Variants in SPATA17 observed in about 807,000 individuals in gnomAD.
SPATA17 encodes spermatogenesis associated 17.
A neutral mutation model predicts 62.2 loss-of-function variants in SPATA17; 53 were observed. That is an observed-to-expected ratio of 0.85 (90% CI 0.68 to 1.07). The LOEUF (loss-of-function observed/expected upper bound fraction) is 1.07, where lower values mean the gene tolerates loss of function less well. Among genes scored for constraint, SPATA17 ranks in the 50% least tolerant of loss-of-function variants. SPATA17 has a pLI of 0.00. For missense variants in SPATA17, 466 were observed against 425.5 expected, an observed-to-expected ratio of 1.10 and a Z score of -0.84; for synonymous variants, 146 against 146.8, an observed-to-expected ratio of 0.99 and a Z score of 0.04.
At chr1:217,728,058 T>C (rs1206696793) in intron 5 of SPATA17, among the ~76,000 whole-genome samples, 1 of 152,230 alleles carries the variant, frequency 6.6e-6, no homozygotes, top group Non-Finnish European at 1.5e-5. Context: ...GGCTATCTAA[T>C]ACTGTCTTGC....
rs143828144 is a variant in SPATA17 at position 217,760,374 on chromosome 1, A to G, written c.520-13960A>G. On this transcript the variant is annotated intron_variant, in intron 6 of 10. Transcript: ENST00000366933. ...CATACAGAAAAGTGAAAAAAATTCT[A>G]ATCACTTAGCTCAATTAATAATCAC... 7.7e-3 allele frequency among the ~76,000 whole-genome samples: 1,172 copies of G among 152,338 alleles called. 12 individuals carry two copies. Among genetic ancestry groups the G allele is most frequent in the Non-Finnish European group, 7.7e-3 (525 of 68,026 alleles).
intron 5 of SPATA17, among the ~76,000 whole-genome samples, chr1:217,710,022 C>T (rs1671821200): frequency 2.6e-5 from 4 of 152,116 alleles, no homozygotes. Flanking sequence ...TATTTTACAT[C>T]AGAATATGTT....
chr1:217,685,773 T>G (rs1671202618), intron 5 of SPATA17, among the ~76,000 whole-genome samples: 1 of 152,174 alleles, frequency 6.6e-6, no homozygotes, highest in South Asian at 2.1e-4. Context: ...GTATATGTGA[T>G]TGGTTATACA....
chr1:217,652,818 A>G (rs996503941), intron 3 of SPATA17, among the ~76,000 whole-genome samples: 6 of 152,192 alleles, frequency 3.9e-5, no homozygotes, highest in Non-Finnish European at 7.3e-5. Context: ...TGATGACGGA[A>G]GTTTGATGAC....
chr1:217,659,187 AACACACACAC>A (rs10546517), intron 3 of SPATA17, among the ~76,000 whole-genome samples: 2 of 144,630 alleles, frequency 1.4e-5, no homozygotes, highest in East Asian at 2.0e-4. Flanking sequence ...TGCCCATCAA[AACACACACAC>A]ACACACACAC....
intron 9 of SPATA17, among the ~76,000 whole-genome samples, chr1:217,844,240 T>G (rs1675475274): frequency 6.6e-6 from 1 of 152,010 alleles, no homozygotes; most frequent in South Asian, 2.1e-4. Flanking sequence ...TATAGGAAAT[T>G]TACGACTTTT....
intron 5 of SPATA17, among the ~76,000 whole-genome samples, chr1:217,694,639 C>T (rs1434461193): frequency 6.7e-6 from 1 of 149,644 alleles, no homozygotes; most frequent in African/African-American, 2.5e-5. Context: ...ACCGGTTGTT[C>T]CTTTCCATGT....
intron 9 of SPATA17, among the ~76,000 whole-genome samples, chr1:217,849,203 A>C (rs2103010491): frequency 6.6e-6 from 1 of 152,198 alleles, no homozygotes; most frequent in South Asian, 2.1e-4. Flanking sequence ...TGTTTTATTC[A>C]TATTTTAAAA....
chr1:217,841,553 G>C (rs539201738), intron 9 of SPATA17, among the ~76,000 whole-genome samples: 24 of 151,940 alleles, frequency 1.6e-4, no homozygotes, highest in African/African-American at 5.5e-4. Flanking sequence ...ATTTCTTCTA[G>C]AGCCTTACTG....
intron 3 of SPATA17, among the ~76,000 whole-genome samples, chr1:217,666,880 G>T (rs1415472334): frequency 2.6e-5 from 4 of 151,974 alleles, no homozygotes; most frequent in African/African-American, 9.7e-5. Context: ...AATAAATGTG[G>T]TATCAATTAG....
intron 7 of SPATA17, among the ~76,000 whole-genome samples, chr1:217,778,232 TG>T (rs1673641072): frequency 6.6e-6 from 1 of 152,092 alleles, no homozygotes; most frequent in South Asian, 2.1e-4. Flanking sequence ...ACACTGCTGG[TG>T]GGCGCGGTGG....
chr1:217,842,784 A>C (rs562643744), intron 9 of SPATA17, among the ~76,000 whole-genome samples: 1 of 151,688 alleles, frequency 6.6e-6, no homozygotes, highest in South Asian at 2.1e-4. Context: ...TTGTTTCTTC[A>C]ATTTTTGGGG....
At chr1:217,775,513 G>A (rs893844748) in intron 7 of SPATA17, among the ~76,000 whole-genome samples, 2 of 152,012 alleles carry the variant, frequency 1.3e-5, no homozygotes, top group African/African-American at 4.8e-5. Flanking sequence ...GACCATCCTG[G>A]ACAACATGGT....
chr1:217,674,378 T>C (rs945444810), intron 4 of SPATA17, among the ~76,000 whole-genome samples: 1 of 152,216 alleles, frequency 6.6e-6, no homozygotes, highest in African/African-American at 2.4e-5. Flanking sequence ...AGGATTTTTC[T>C]TGGTCGTTTT....
intron 1 of SPATA17, among the ~76,000 whole-genome samples, chr1:217,632,106 C>G (rs11810707): frequency 6.6e-6 from 1 of 152,040 alleles, no homozygotes; most frequent in Non-Finnish European, 1.5e-5. Flanking sequence ...TCGCTTGAAC[C>G]TGGGAGGCAG....
At chr1:217,719,249 C>G (rs1672071469) in intron 5 of SPATA17, among the ~76,000 whole-genome samples, 1 of 152,224 alleles carries the variant, frequency 6.6e-6, no homozygotes, top group Non-Finnish European at 1.5e-5. Flanking sequence ...GAACTTTTCA[C>G]TATACCCGTG....
At chr1:217,836,615 A>G (rs1284041721) in intron 9 of SPATA17, among the ~76,000 whole-genome samples, 2 of 152,124 alleles carry the variant, frequency 1.3e-5, no homozygotes, top group Non-Finnish European at 2.9e-5. Flanking sequence ...TTCATGCCAC[A>G]TGATTTCTCC....
rs2102964241 is a variant in SPATA17, at chr1:217,762,838, G to T, written c.520-11496G>T. On this transcript the variant is annotated intron_variant, in intron 6 of 10. Coordinates refer to ENST00000366933, the MANE Select transcript of SPATA17 (RefSeq NM_138796.4). ...AACACAAAAATTAGCTGGGCGTGGT[G>T]GTGTGTACTTGTATTCCCAGCTACT... 2.0e-5 allele frequency among the ~76,000 whole-genome samples: 3 copies of T among 152,274 alleles called. 1 individual carries two copies. Among genetic ancestry groups the T allele is most frequent in the Non-Finnish European group, 1.5e-5 (1 of 68,022 alleles).
chr1:217,773,853 A>G (rs534125842), intron 6 of SPATA17, among the ~76,000 whole-genome samples: 1 of 152,068 alleles, frequency 6.6e-6, no homozygotes, highest in African/African-American at 2.4e-5. Context: ...CCCTTAGTTT[A>G]CGTAATGAAT....
Sources: allele counts gnomAD v4.1 joint callset (sites outside exome capture counted in the v4.1 genomes callset), GRCh38; gene constraint gnomAD v4.1.1; transcripts MANE v1.5; gene names NCBI Gene and HGNC (gene_info 2026-07-23, HGNC 2026-07-21).